The following PGM5 variants were observed in gnomAD, a reference collection of about 807,000 sequenced individuals.
PGM5 encodes phosphoglucomutase-like protein 5.
In PGM5, 23 loss-of-function variants were observed where a neutral mutation model predicts 59.2. The observed-to-expected ratio is 0.39, with a 90% CI of 0.28 to 0.55. The LOEUF (loss-of-function observed/expected upper bound fraction) is 0.55. Ranked by LOEUF, PGM5 falls within the 20% of genes least tolerant of loss-of-function variation. PGM5 has a pLI of 0.66. For synonymous variants in PGM5, 214 were observed against 286.0 expected (o/e 0.75, Z 2.54); for missense variants, 574 against 748.3 (o/e 0.77, Z 2.72).
chr9:68,393,027 C>G (rs1267535540), intron 6 of PGM5, among the ~76,000 whole-genome samples: 1 of 152,030 alleles, frequency 6.6e-6, no homozygotes, highest in African/African-American at 2.4e-5. Flanking sequence ...AAATACCCAA[C>G]AAGAGATTCA....
intron 6 of PGM5, among the ~76,000 whole-genome samples, chr9:68,413,983 G>A (rs1822980270): frequency 6.6e-6 from 1 of 152,202 alleles, no homozygotes; most frequent in Non-Finnish European, 1.5e-5. Flanking sequence ...TTTGGATCAT[G>A]AGATGAGGAC....
chr9:68,376,101 A>C (rs1821874462), intron 1 of PGM5, among the ~76,000 whole-genome samples: 2 of 152,262 alleles, frequency 1.3e-5, no homozygotes, highest in African/African-American at 4.8e-5. Context: ...TTGGTGAGGG[A>C]CAAGGAAAGC....
Position 68,481,214 on chromosome 9 carries a change from A to C in PGM5, c.1295+1661A>C, listed in dbSNP as rs1387009649. Reference sequence around the variant, plus strand: ...TATGTATCAGAGAATAAGGAAGCCCATGACTGTACTCGTTAAAATCAAAGA... The same window carrying C: ...TATGTATCAGAGAATAAGGAAGCCCCTGACTGTACTCGTTAAAATCAAAGA... On this transcript the variant is annotated intron_variant, in intron 8 of 10. Coordinates refer to ENST00000396396, the MANE Select transcript of PGM5 (RefSeq NM_021965.4). Among the ~76,000 whole-genome samples, 6 of 152,344 alleles carry C rather than the reference A, an allele frequency of 3.9e-5. No homozygotes were observed. In the East Asian group the frequency reaches 9.6e-4, roughly 24 times the overall value.
chr9:68,398,059 G>A (rs1822557573), intron 6 of PGM5: 1 of 152,126 alleles, frequency 6.6e-6, no homozygotes, highest in African/African-American at 2.4e-5. Context: ...ACGTCCTTTA[G>A]ATCTGTGCTG....
chr9:68,449,862 A>G (rs183707143), intron 6 of PGM5, among the ~76,000 whole-genome samples: 1 of 152,200 alleles, frequency 6.6e-6, no homozygotes, highest in Non-Finnish European at 1.5e-5. Context: ...TAAGAGTGCA[A>G]CTTCAAACCC....
chr9:68,431,699 G>A (rs1401736504), intron 6 of PGM5, among the ~76,000 whole-genome samples: 1 of 152,112 alleles, frequency 6.6e-6, no homozygotes, highest in Non-Finnish European at 1.5e-5. Flanking sequence ...TTTAAGAGTT[G>A]GAGTCTATTC....
intron 7 of PGM5, among the ~76,000 whole-genome samples, chr9:68,468,665 C>A (rs1823974756): frequency 6.6e-6 from 1 of 152,172 alleles, no homozygotes; most frequent in Admixed American, 6.5e-5. Context: ...CATTTTCCCC[C>A]TCCCCGTTAA....
At chr9:68,455,572 G>A (rs1823761763) in intron 6 of PGM5, among the ~76,000 whole-genome samples, 1 of 151,930 alleles carries the variant, frequency 6.6e-6, no homozygotes, top group Non-Finnish European at 1.5e-5. Flanking sequence ...TAAGAATCTT[G>A]GGAAATGTCC....
chr9:68,451,237 G>A (rs185304738), intron 6 of PGM5, among the ~76,000 whole-genome samples: 21 of 152,228 alleles, frequency 1.4e-4, no homozygotes, highest in African/African-American at 4.3e-4. Context: ...GAAGACATCC[G>A]CAATGCCAAC....
intron 6 of PGM5, among the ~76,000 whole-genome samples, chr9:68,407,434 C>G (rs1304961770): frequency 6.6e-6 from 1 of 152,162 alleles, no homozygotes; most frequent in Non-Finnish European, 1.5e-5. Flanking sequence ...TGCCCAGCCC[C>G]TATTGCCTTT....
At chr9:68,520,535 C>T (rs532757020) in intron 10 of PGM5, among the ~76,000 whole-genome samples, 8 of 152,142 alleles carry the variant, frequency 5.3e-5, no homozygotes, top group Admixed American at 1.3e-4. Context: ...ATCAACTCAA[C>T]GTGTAAATTC....
At chr9:68,462,051 A>C (rs1564011707) in intron 6 of PGM5, among the ~76,000 whole-genome samples, 1 of 152,016 alleles carries the variant, frequency 6.6e-6, no homozygotes, top group Admixed American at 6.6e-5. Flanking sequence ...GCAATTTCCA[A>C]CCTACGTCAC....
chr9:68,511,251 G>A (rs1554689330), intron 10 of PGM5, among the ~76,000 whole-genome samples: 2 of 152,164 alleles, frequency 1.3e-5, no homozygotes, highest in African/African-American at 2.4e-5. Context: ...TGCTATATCA[G>A]GGTCAGGTTG....
intron 6 of PGM5, among the ~76,000 whole-genome samples, chr9:68,460,418 T>C (rs1466265475): frequency 4.6e-5 from 7 of 152,072 alleles, no homozygotes; most frequent in African/African-American, 1.2e-4. Flanking sequence ...CACATAAGGG[T>C]AGGGTGACCA....
At chr9:68,409,850 A>G (rs187043318) in intron 6 of PGM5, among the ~76,000 whole-genome samples, 3,075 of 144,040 alleles carry the variant, frequency 0.021, 42 homozygotes, top group Non-Finnish European at 0.033. Context: ...CAATGTGCAT[A>G]TGTACCCTAA....
chr9:68,483,701 G>A (rs560762827), intron 8 of PGM5, among the ~76,000 whole-genome samples, 164 bp from the exon 9 acceptor site: 32 of 152,288 alleles, frequency 2.1e-4, no homozygotes, highest in African/African-American at 7.2e-4. Context: ...GCCGCTGTAT[G>A]GGGAATGGAC....
intron 1 of PGM5, among the ~76,000 whole-genome samples, chr9:68,376,475 CTGTGTGTGTG>C (rs71353047): frequency 0.027 from 3,537 of 129,618 alleles, 68 homozygotes; most frequent in African/African-American, 0.053. Context: ...TGCTTTTGAG[CTGTGTGTGTG>C]TGTGTGTGTG....
In PGM5 at chr9:68,357,404, C is replaced by T; in HGVS notation, c.261+16C>T. On this transcript the variant is annotated intron_variant, in intron 1 of 10. Coordinates refer to ENST00000396396, the MANE Select transcript of PGM5 (RefSeq NM_021965.4). ...GGCCAACGGGGTGAGTGTCCGGATG[C>T]CCCTCGCTTCCCGCCGCGCCGCCGC... 1 of 1,552,488 alleles carries T rather than the reference C, an allele frequency of 6.4e-7. No individual in the cohort carries two copies. Among genetic ancestry groups the T allele is most frequent in the Non-Finnish European group, 8.7e-7 (1 of 1,151,824 alleles).
chr9:68,381,433 C>A (rs1459062843), intron 2 of PGM5, among the ~76,000 whole-genome samples: 1 of 151,850 alleles, frequency 6.6e-6, no homozygotes, highest in African/African-American at 2.4e-5. Context: ...CAATTGGGGA[C>A]AACTGAAAAC....
Sources: allele counts gnomAD v4.1 joint callset (sites outside exome capture counted in the v4.1 genomes callset), GRCh38; gene constraint gnomAD v4.1.1; transcripts MANE v1.5; gene names NCBI Gene and HGNC (gene_info 2026-07-23, HGNC 2026-07-21).